WWOX: variants seen among roughly 807,000 people sequenced by gnomAD.
WWOX encodes the protein WW domain containing oxidoreductase.
A neutral mutation model predicts 46.2 loss-of-function variants in WWOX; 69 were observed. That is an observed-to-expected ratio of 1.49 (90% CI 1.23 to 1.82). WWOX has a LOEUF of 1.82. Among genes scored for constraint, WWOX ranks in the 40% most tolerant of loss-of-function variants. The pLI is 0.00. For synonymous variants in WWOX, 359 were observed against 202.6 expected, an observed-to-expected ratio of 1.77 and a Z score of -6.56; for missense variants, 919 against 542.6, an observed-to-expected ratio of 1.69 and a Z score of -6.89.
chr16:78,389,380 C>A (rs1192490392), intron 6 of WWOX, among the ~76,000 whole-genome samples: 1 of 152,182 alleles, frequency 6.6e-6, no homozygotes, highest in East Asian at 1.9e-4. Context: ...GCCCTGGAAG[C>A]CACAGTAACC....
At chr16:79,187,639 T>C (rs183560885) in intron 8 of WWOX, among the ~76,000 whole-genome samples, 56 of 152,324 alleles carry the variant, frequency 3.7e-4, no homozygotes, top group Admixed American at 3.1e-3. Context: ...ACTCCTGACC[T>C]CAAGTGATCG....
chr16:79,195,684 C>T (rs573944402), intron 8 of WWOX, among the ~76,000 whole-genome samples: 6 of 152,316 alleles, frequency 3.9e-5, no homozygotes, highest in Admixed American at 3.9e-4. Flanking sequence ...CTTGTCTAGA[C>T]CGGGAGCTAG....
At position 78,854,037 on chromosome 16, in the gene WWOX, A is replaced by G. The variant is rs898911469; in HGVS notation, c.1057-357571A>G. 7.2e-5 allele frequency among the ~76,000 whole-genome samples: 11 copies of G among 152,340 alleles called. No individual in the cohort carries two copies. The East Asian group carries it at 1.9e-3, about 27-fold the overall frequency. The stretch of plus-strand genomic sequence containing the variant: ...AATTGTCTGTTGTACCACCACCTGA[A>G]GATAACCACTACTATCATTTTGCTA... On this transcript the variant is annotated intron_variant, in intron 8 of 8. Transcript: ENST00000566780.
intron 8 of WWOX, among the ~76,000 whole-genome samples, chr16:78,875,477 G>A (rs1286206283): frequency 6.6e-6 from 1 of 152,132 alleles, no homozygotes; most frequent in African/African-American, 2.4e-5. Context: ...CAGTTTGACA[G>A]TCCACTTCAT....
intron 8 of WWOX, chr16:78,897,190 G>A (rs2044720355): frequency 8.1e-6 from 1 of 124,094 alleles, no homozygotes; most frequent in African/African-American, 3.0e-5. Context: ...GTTGCAGTGA[G>A]CCAAGATGGC....
intron 5 of WWOX, among the ~76,000 whole-genome samples, chr16:78,333,043 C>CTTTTTATTTTTTTTTTTTTTTT (rs2080797946): frequency 1.8e-5 from 1 of 57,094 alleles, no homozygotes; most frequent in Non-Finnish European, 3.8e-5. Context: ...GAGCATTATA[C>CTTTTTATTTTTTTTTTTTTTTT]TTTTTTTTTT....
intron 8 of WWOX, among the ~76,000 whole-genome samples, chr16:78,480,819 A>T (rs1418320409): frequency 1.3e-5 from 2 of 152,220 alleles, no homozygotes; most frequent in Admixed American, 6.5e-5. Context: ...GTAGTTTTGC[A>T]TGTGTGCTTA....
At chr16:78,894,457 A>G (rs192017060) in intron 8 of WWOX, among the ~76,000 whole-genome samples, 120 of 152,240 alleles carry the variant, frequency 7.9e-4, no homozygotes, top group Admixed American at 1.2e-3. Context: ...TGTCTAAATT[A>G]TTGTTTGTAG....
rs1160324202 is a variant in WWOX, at chr16:78,525,573, A to C, written c.1056+92821A>C. 3 of 152,212 alleles carry C rather than the reference A, an allele frequency of 2.0e-5. No homozygotes were observed. In the East Asian group the frequency reaches 5.8e-4, roughly 29 times the overall value. The allele number at this position is 152,212 out of a possible 1,614,324, so 9.4% of individuals were successfully genotyped here. A position where few individuals can be genotyped will look rare whatever the true frequency, so the allele number is the denominator to read the frequency against. On this transcript the variant is annotated intron_variant, in intron 8 of 8. Transcript: ENST00000566780. The stretch of plus-strand genomic sequence containing the variant: ...ACTTTTCCATAAGGATTGAGTCTCA[A>C]AATGTCTGGTAGCATCCACTGCATT...
intron 8 of WWOX, among the ~76,000 whole-genome samples, chr16:78,460,231 G>C (rs1314604716): frequency 1.3e-5 from 2 of 151,962 alleles, no homozygotes; most frequent in African/African-American, 2.4e-5. Flanking sequence ...GGATTCAAGA[G>C]ATTCTTGTGC....
At chr16:78,774,190 C>T (rs544765927) in intron 8 of WWOX, among the ~76,000 whole-genome samples, 1 of 152,128 alleles carries the variant, frequency 6.6e-6, no homozygotes, top group African/African-American at 2.4e-5. Flanking sequence ...ATCATGAGGT[C>T]AGGAGATGGA....
At chr16:78,746,137 G>A (rs1430448623) in intron 8 of WWOX, among the ~76,000 whole-genome samples, 1 of 152,172 alleles carries the variant, frequency 6.6e-6, no homozygotes, top group East Asian at 1.9e-4. Flanking sequence ...GTTTTGATAT[G>A]ATGAACCATG....
At chr16:78,406,347 TA>T (rs1567553470) in intron 6 of WWOX, among the ~76,000 whole-genome samples, 37 of 104,014 alleles carry the variant, frequency 3.6e-4, no homozygotes, top group African/African-American at 8.8e-4. Context: ...TATATATATA[TA>T]TATATATTTT....
At chr16:78,154,308 A>C (rs551807545) in intron 4 of WWOX, among the ~76,000 whole-genome samples, 1 of 152,256 alleles carries the variant, frequency 6.6e-6, no homozygotes, top group African/African-American at 2.4e-5. Flanking sequence ...CACTGGAGGT[A>C]CTGTAAATGG....
At chr16:79,126,242 G>A (rs2049751675) in intron 8 of WWOX, among the ~76,000 whole-genome samples, 1 of 152,096 alleles carries the variant, frequency 6.6e-6, no homozygotes, top group African/African-American at 2.4e-5. Flanking sequence ...AGGACAGAAT[G>A]CTGGAAACAG....
intron 8 of WWOX, among the ~76,000 whole-genome samples, chr16:78,964,092 T>C (rs2046322160): frequency 6.6e-6 from 1 of 152,216 alleles, no homozygotes. Flanking sequence ...AGGTTATGTC[T>C]TTATCAGCAG....
intron 8 of WWOX, among the ~76,000 whole-genome samples, chr16:79,076,894 G>T (rs1363415759): frequency 6.6e-6 from 1 of 152,170 alleles, no homozygotes; most frequent in Non-Finnish European, 1.5e-5. Context: ...TGTTTTATGC[G>T]TATTGTCCTG....
chr16:78,252,430 A>G (rs1333055807), intron 5 of WWOX, among the ~76,000 whole-genome samples: 2 of 152,220 alleles, frequency 1.3e-5, no homozygotes, highest in African/African-American at 4.8e-5. Flanking sequence ...CTACGTGGGT[A>G]TGTATATACA....
chr16:78,497,334 C>G (rs747094482), intron 8 of WWOX, among the ~76,000 whole-genome samples: 12 of 152,194 alleles, frequency 7.9e-5, no homozygotes, highest in Non-Finnish European at 1.8e-4. Flanking sequence ...GGATTGGAGA[C>G]TTAAACATAA....
Sources: allele counts gnomAD v4.1 joint callset (sites outside exome capture counted in the v4.1 genomes callset), GRCh38; gene constraint gnomAD v4.1.1; transcripts MANE v1.5; gene names NCBI Gene and HGNC (gene_info 2026-07-23, HGNC 2026-07-21).